The following DEFB125 variants were observed in gnomAD, a reference collection of about 807,000 sequenced individuals.
The protein encoded by DEFB125 is beta-defensin 125.
DEFB125 carries 11 observed loss-of-function variants against 11.8 expected under a neutral mutation model. That is an observed-to-expected ratio of 0.94 (90% CI 0.59 to 1.55). The LOEUF (loss-of-function observed/expected upper bound fraction) is 1.55, where lower values mean the gene tolerates loss of function less well. Ranked by LOEUF, DEFB125 falls within the 40% of genes most tolerant of loss-of-function variation. The probability of loss-of-function intolerance (pLI) is 0.00; values close to 1 mark genes in which losing one functional copy is unlikely to be tolerated. For missense variants in DEFB125, 198 were observed against 191.2 expected (o/e 1.04, Z -0.21); for synonymous variants, 79 against 66.7 (o/e 1.18, Z -0.90).
At chr20:90,450 C>T (rs2054492185) in intron 1 of DEFB125, among the ~76,000 whole-genome samples, 1 of 152,198 alleles carries the variant, frequency 6.6e-6, no homozygotes, top group Admixed American at 6.5e-5. Flanking sequence ...ACCTCCATTG[C>T]TGCCACTCTG....
intron 1 of DEFB125, among the ~76,000 whole-genome samples, chr20:89,714 G>A (rs996659897): frequency 6.6e-6 from 1 of 151,742 alleles, no homozygotes; most frequent in East Asian, 1.9e-4. Flanking sequence ...TTGAATACTT[G>A]CCAAGTCCTA....
At chr20:89,619 G>T in intron 1 of DEFB125, among the ~76,000 whole-genome samples, 1 of 151,966 alleles carries the variant, frequency 6.6e-6, no homozygotes, top group Non-Finnish European at 1.5e-5. Flanking sequence ...AGGATGGCTA[G>T]TATAACCTTT....
At chr20:94,280 C>T (rs1006258645) in intron 1 of DEFB125, among the ~76,000 whole-genome samples, 2 of 152,030 alleles carry the variant, frequency 1.3e-5, no homozygotes, top group South Asian at 2.1e-4. Context: ...CATTCAGAAT[C>T]GTCTCTTCTA....
chr20:88,677 T>C (rs1355446808), intron 1 of DEFB125, among the ~76,000 whole-genome samples: 2 of 152,166 alleles, frequency 1.3e-5, no homozygotes, highest in Non-Finnish European at 2.9e-5. Context: ...ATTAGAGACA[T>C]CTTATCCATA....
At chr20:94,352 A>G (rs2054507024) in intron 1 of DEFB125, among the ~76,000 whole-genome samples, 1 of 152,202 alleles carries the variant, frequency 6.6e-6, no homozygotes, top group Non-Finnish European at 1.5e-5. Flanking sequence ...GCTATAGAAC[A>G]GTGGACCCCT....
At position 97,078 on chromosome 20, in the gene DEFB125, C is replaced by T. The variant is rs544591834; in HGVS notation, c.*661C>T. The T allele has an allele frequency of 2.0e-5, 3 of 152,288 alleles. No individual in the cohort carries two copies. The South Asian group carries it at 6.2e-4, about 32-fold the overall frequency. 9.4% of individuals were successfully genotyped at this position (152,288 alleles called of 1,614,324 possible). On this transcript the variant is annotated 3_prime_UTR_variant, in exon 2 of 2. Coordinates refer to ENST00000382410, the MANE Select transcript of DEFB125 (RefSeq NM_153325.4). The stretch of plus-strand genomic sequence containing the variant: ...AGAGTACATCATATTAAATTAAAAG[C>T]TGCATCTCAAATTCTACTTATCTTT...
Position 96,349 on chromosome 20 carries a change from C to T in DEFB125, c.403C>T (p.Pro135Ser), listed in dbSNP as rs1186609627. ...GGCCACTACTCCCGAGACTACTATG[C>T]CACCATCTGAGACTGCTACTTCCGA... ...SEATTPETTM[P>S]PSETATSETM... The change falls in exon 2 of 2, where the codon CCA (proline) becomes TCA (serine). Residue 135 changes from proline (P) to serine (S), a missense_variant. Transcript: ENST00000382410. The T allele has an allele frequency of 6.2e-7, 1 of 1,613,214 alleles. No homozygotes were observed. Among genetic ancestry groups the T allele is most frequent in the Non-Finnish European group, 8.5e-7 (1 of 1,179,268 alleles).
At chr20:95,778 G>A (rs543686503) in intron 1 of DEFB125, among the ~76,000 whole-genome samples, 16 of 151,898 alleles carry the variant, frequency 1.1e-4, no homozygotes, top group South Asian at 2.1e-4. Flanking sequence ...CTCTCTCTCC[G>A]TCCCTCTCTT....
chr20:89,590 C>T (rs1240006744), intron 1 of DEFB125, among the ~76,000 whole-genome samples: 1 of 151,914 alleles, frequency 6.6e-6, no homozygotes, highest in Non-Finnish European at 1.5e-5. Context: ...TAAATAAGTG[C>T]ATTTACATTT....
rs1256265148 is a variant in DEFB125 at position 96,061 on chromosome 20, T to C, written c.115T>C (p.Cys39Arg). ...TAATGTAGGACATTGCAGAAGACGATGTTTAGATACTGAAAGGTACATACT... is the reference window on the plus strand; with the variant it reads ...TAATGTAGGACATTGCAGAAGACGACGTTTAGATACTGAAAGGTACATACT... ...KNNVGHCRRRCLDTERYILLC... is the reference protein window; with the variant it reads ...KNNVGHCRRRRLDTERYILLC... Residue 39 changes from cysteine to arginine, a missense_variant, in exon 2 of 2, where the codon TGT (cysteine) becomes CGT (arginine). Transcript: ENST00000382410. 1.9e-5 allele frequency: 31 copies of C among 1,613,530 alleles called. No individual in the cohort carries two copies. Among genetic ancestry groups the C allele is most frequent in the Non-Finnish European group, 2.5e-5 (29 of 1,179,680 alleles).
At position 91,351 on chromosome 20, in the gene DEFB125, C is replaced by T. The variant is rs540228685; in HGVS notation, c.58+3584C>T. 1.6e-4 allele frequency among the ~76,000 whole-genome samples: 25 copies of T among 152,162 alleles called. 1 individual carries two copies. In the South Asian group the frequency reaches 3.5e-3, roughly 21 times the overall value. On this transcript the variant is annotated intron_variant, in intron 1 of 1. Coordinates refer to ENST00000382410, the MANE Select transcript of DEFB125 (RefSeq NM_153325.4). ...ATTGCCTATTTTTGCTTTGGTTGCCCGTGCTTTTGAGGTCTTACCCAAGAA... is the reference window on the plus strand; with the variant it reads ...ATTGCCTATTTTTGCTTTGGTTGCCTGTGCTTTTGAGGTCTTACCCAAGAA...
rs376536497 is a variant in DEFB125, at chr20:95,999, C to T, written c.59-6C>T. On this transcript the variant is annotated splice_polypyrimidine_tract_variant and splice_region_variant and intron_variant, in intron 1 of 1. Transcript: ENST00000382410. ...AAAAATTTGACCTATATTTTATTCT[C>T]TACAGGTAGCTTTGAACCCCAAAAA... 13 of 1,589,974 alleles carry T rather than the reference C, an allele frequency of 8.2e-6. No homozygotes were observed. The African/African-American group carries it at 1.8e-4, about 21-fold the overall frequency.
rs140898692 is a variant in DEFB125, at chr20:96,337, G to A, written c.391G>A (p.Glu131Lys). 129 of 1,613,332 alleles carry A rather than the reference G, an allele frequency of 8.0e-5. No homozygotes were observed. The highest frequency in any genetic ancestry group is 2.9e-4 in the East Asian group (13 of 44,858). The part of the protein sequence containing the change: ...TMPPSEATTP[E>K]TTMPPSETAT... ...GCCACCATCTGAGGCCACTACTCCCGAGACTACTATGCCACCATCTGAGAC... is the reference window on the plus strand; with the variant it reads ...GCCACCATCTGAGGCCACTACTCCCAAGACTACTATGCCACCATCTGAGAC... Residue 131 changes from glutamate (E) to lysine (K), a missense_variant, in exon 2 of 2, where the codon GAG (glutamate) becomes AAG (lysine). Physicochemically the swap from Glu to Lys is moderately conservative, Grantham distance 56. Transcript: ENST00000382410.
rs987582986 is a variant in DEFB125 at position 95,538 on chromosome 20, AT to A, written c.59-457del. 2.2e-4 allele frequency among the ~76,000 whole-genome samples: 33 copies of A among 150,422 alleles called. No homozygotes were observed. The South Asian group carries it at 3.8e-3, about 17-fold the overall frequency. ...TGTTCATCAAGGATACTGGCCTGAA[AT>A]TTTTTTTTTCTTGTGTCTCTGCTAG... On this transcript the variant is annotated intron_variant, in intron 1 of 1. Coordinates refer to ENST00000382410, the MANE Select transcript of DEFB125 (RefSeq NM_153325.4).
intron 1 of DEFB125, among the ~76,000 whole-genome samples, chr20:91,154 T>C (rs1222825012): frequency 2.6e-5 from 4 of 152,188 alleles, no homozygotes. Flanking sequence ...AGATTATTTG[T>C]TTTTGTTTGC....
In DEFB125 at chr20:96,093, T is replaced by C. The variant is rs745543814; in HGVS notation, c.147T>C (p.Cys49=). 1 of 1,614,140 alleles carries C rather than the reference T, an allele frequency of 6.2e-7. No individual in the cohort carries two copies. ...CLDTERYILL[C]RNKLSCCISI... ...ATACTGAAAGGTACATACTTCTTTG[T>C]AGGAACAAGCTATCATGCTGCATTT... The change falls in exon 2 of 2, where the codon TGT becomes TGC. Residue 49 remains cysteine (C), a synonymous_variant. Coordinates refer to ENST00000382410, the MANE Select transcript of DEFB125 (RefSeq NM_153325.4).
At chr20:93,394 T>C (rs1294721076) in intron 1 of DEFB125, among the ~76,000 whole-genome samples, 3 of 152,246 alleles carry the variant, frequency 2.0e-5, no homozygotes, top group Non-Finnish European at 4.4e-5. Flanking sequence ...CTGCTTTTCT[T>C]TGGATCTAAA....
At chr20:95,442 G>C (rs755288103) in intron 1 of DEFB125, among the ~76,000 whole-genome samples, 1 of 152,068 alleles carries the variant, frequency 6.6e-6, no homozygotes, top group South Asian at 2.1e-4. Flanking sequence ...CTACTTGATC[G>C]TAGTGGATAA....
intron 1 of DEFB125, 70 bp downstream of exon 1, chr20:87,837 T>A: frequency 6.6e-7 from 1 of 1,526,088 alleles, no homozygotes; most frequent in Middle Eastern, 1.8e-4. Context: ...CCTGGTATCA[T>A]GATGGGAAGA....
Sources: gnomAD v4.1 joint callset for allele counts (sites outside exome capture counted in the v4.1 genomes callset) on GRCh38, gnomAD v4.1.1 for gene constraint, MANE v1.5 for transcripts, NCBI Gene and HGNC (gene_info 2026-07-23, HGNC 2026-07-21) for gene names.